The following CNIH3 variants were observed in gnomAD, a reference collection of about 807,000 sequenced individuals.
CNIH3 encodes cornichon family AMPA receptor auxiliary protein 3.
Under a neutral mutation model 24.1 loss-of-function variants are expected in CNIH3, and 14 were observed. The ratio of observed to expected loss-of-function variants is 0.58; its 90% CI spans 0.38 to 0.91. The LOEUF (loss-of-function observed/expected upper bound fraction) is 0.91, where lower values mean the gene tolerates loss of function less well. Ranked by LOEUF, CNIH3 falls within the 40% of genes least tolerant of loss-of-function variation. The pLI is 0.00. For missense variants in CNIH3, 178 were observed against 196.8 expected, an observed-to-expected ratio of 0.90 and a Z score of 0.57; for synonymous variants, 68 against 73.8, an observed-to-expected ratio of 0.92 and a Z score of 0.40.
intron 1 of CNIH3, among the ~76,000 whole-genome samples, chr1:224,439,987 A>G (rs1674825860): frequency 6.6e-6 from 1 of 152,076 alleles, no homozygotes; most frequent in Non-Finnish European, 1.5e-5. Flanking sequence ...GCGGGGTTTC[A>G]CCGTGTTAAC....
intron 3 of CNIH3, among the ~76,000 whole-genome samples, chr1:224,702,688 C>A (rs1275963041): frequency 6.6e-6 from 1 of 152,178 alleles, no homozygotes; most frequent in Non-Finnish European, 1.5e-5. Context: ...AGATGCAGGA[C>A]CCCACCCCCA....
chr1:224,445,658 G>A (rs1675131818), intron 1 of CNIH3, among the ~76,000 whole-genome samples: 1 of 150,842 alleles, frequency 6.6e-6, no homozygotes, highest in Middle Eastern at 3.2e-3. Context: ...CTGGATGTGA[G>A]TCCTTTGTTG....
chr1:224,618,077 G>T (rs565636195), intron 1 of CNIH3, among the ~76,000 whole-genome samples: 34 of 152,350 alleles, frequency 2.2e-4, no homozygotes, highest in South Asian at 1.4e-3. Context: ...TTAGGTGTGG[G>T]TGGGAATAGA....
chr1:224,706,965 T>C (rs1023442939), intron 3 of CNIH3, among the ~76,000 whole-genome samples: 2 of 138,052 alleles, frequency 1.4e-5, no homozygotes, highest in African/African-American at 2.7e-5. Flanking sequence ...TTTCTTTTTT[T>C]TTTTTTTTTT....
intron 3 of CNIH3, among the ~76,000 whole-genome samples, chr1:224,720,831 A>G (rs1688682450): frequency 6.6e-6 from 1 of 152,152 alleles, no homozygotes; most frequent in Non-Finnish European, 1.5e-5. Context: ...TGTATAAGAG[A>G]TAGCCCACGT....
intron 2 of CNIH3, among the ~76,000 whole-genome samples, chr1:224,682,598 C>T (rs1686454503): frequency 6.6e-6 from 1 of 152,216 alleles, no homozygotes; most frequent in Non-Finnish European, 1.5e-5. Context: ...CATCTACCAG[C>T]CTCACCATGC....
chr1:224,490,055 A>G (rs1020375733), intron 1 of CNIH3, among the ~76,000 whole-genome samples: 10 of 152,370 alleles, frequency 6.6e-5, no homozygotes, highest in East Asian at 5.8e-4. Flanking sequence ...GCAAGTTACT[A>G]TCAAAGACTC....
intron 1 of CNIH3, among the ~76,000 whole-genome samples, chr1:224,464,011 G>A (rs920044145): frequency 2.7e-5 from 4 of 147,498 alleles, no homozygotes; most frequent in Non-Finnish European, 4.5e-5. Context: ...GGCTTGTCTC[G>A]AACTCCCGAT....
chr1:224,603,097 G>A (rs781388018), intron 3 of CNIH3, among the ~76,000 whole-genome samples: 14 of 152,116 alleles, frequency 9.2e-5, no homozygotes, highest in Non-Finnish European at 7.4e-5. Context: ...GAGGGAGGGT[G>A]TAATCCCATT....
intron 1 of CNIH3, among the ~76,000 whole-genome samples, chr1:224,634,141 G>A (rs1220524088): frequency 6.6e-6 from 1 of 152,210 alleles, no homozygotes; most frequent in Non-Finnish European, 1.5e-5. Flanking sequence ...ACGTCCCCTG[G>A]CCGTGGAGGC....
chr1:224,728,575 A>G (rs867495610), intron 3 of CNIH3, among the ~76,000 whole-genome samples: 3 of 152,234 alleles, frequency 2.0e-5, no homozygotes, highest in African/African-American at 4.8e-5. Flanking sequence ...AAGGTGCCCC[A>G]TAGTTACAAA....
chr1:224,618,225 G>GCCCCCTATCCTCAC (rs1553275821), intron 1 of CNIH3, among the ~76,000 whole-genome samples: 1 of 152,240 alleles, frequency 6.6e-6, no homozygotes, highest in African/African-American at 2.4e-5. Context: ...GGTTGTTTAA[G>GCCCCCTATCCTCAC]CCCCCTATCC....
At chr1:224,708,091 C>G (rs999125211) in intron 3 of CNIH3, among the ~76,000 whole-genome samples, 1 of 152,122 alleles carries the variant, frequency 6.6e-6, no homozygotes, top group African/African-American at 2.4e-5. Flanking sequence ...TCCTTAAGTT[C>G]CCCAGCAATC....
chr1:224,684,821 G>A lies in CNIH3; in HGVS notation c.176G>A (p.Arg59His), dbSNP rs765507112. ...HARERLRNIE[R>H]ICFLLRKLVL... is the part of the protein sequence containing the mutation. ...AGGGAACGGTTGAGGAACATCGAGC[G>A]CATCTGCTTCCTTCTGCGAAAGGTC... The change falls in exon 3 of 6, where the codon CGC (arginine) becomes CAC (histidine). Residue 59 changes from arginine to histidine, a missense_variant. Arg to His is a conservative substitution (Grantham distance 29, BLOSUM62 0). Coordinates refer to ENST00000272133, the MANE Select transcript of CNIH3 (RefSeq NM_152495.2). This position sits in a 1 kb window ranked among gnomAD's most constrained non-coding sequence, Gnocchi z 4.2. 4.8e-5 allele frequency: 78 copies of A among 1,613,942 alleles called. No individual in the cohort carries two copies. The highest frequency in any genetic ancestry group is 1.7e-4 in the Admixed American group (10 of 60,004).
chr1:224,645,099 T>C lies in CNIH3; in HGVS notation c.81+27844T>C, dbSNP rs139716577. On this transcript the variant is annotated intron_variant, in intron 1 of 5. Coordinates refer to ENST00000272133, the MANE Select transcript of CNIH3 (RefSeq NM_152495.2). Reference sequence around the variant, plus strand: ...CTTCTCTTTGAGTGCTGGGCATCTTTTATTTCAGTTTTACAGATGCAGAAA... The same window carrying C: ...CTTCTCTTTGAGTGCTGGGCATCTTCTATTTCAGTTTTACAGATGCAGAAA... Among the ~76,000 whole-genome samples the C allele has an allele frequency of 3.1e-3, 472 of 152,316 alleles. 5 individuals carry two copies. Among genetic ancestry groups the C allele is most frequent in the African/African-American group, 0.011 (441 of 41,560 alleles).
intron 1 of CNIH3, among the ~76,000 whole-genome samples, chr1:224,436,104 A>G (rs1674652756): frequency 6.6e-6 from 1 of 152,226 alleles, no homozygotes; most frequent in African/African-American, 2.4e-5. Flanking sequence ...GAGGAAGGTC[A>G]ATGCAGGATC....
At position 224,434,749 on chromosome 1, in the gene CNIH3, T is replaced by C. The variant is rs112454893; in HGVS notation, n.90T>C. On this transcript the variant is annotated non_coding_transcript_exon_variant, in exon 1 of 6. Coordinates refer to the CNIH3 transcript ENST00000471578. The stretch of plus-strand genomic sequence containing the variant: ...CTGCCGCCTCTGTCCTCGGATCCGC[T>C]CCGCTCTGCTCCCTGGTGTGTTGAT... The C allele has an allele frequency of 7.6e-4, 755 of 987,112 alleles. 1 individual carries two copies. The highest frequency in any genetic ancestry group is 5.5e-3 in the African/African-American group (312 of 57,234). The allele number at this position is 987,112 out of a possible 1,614,324, so 61.1% of individuals were successfully genotyped here.
At chr1:224,435,702 GTCA>G (rs1266541817) in intron 1 of CNIH3, 3 of 152,206 alleles carry the variant, frequency 2.0e-5, no homozygotes, top group Non-Finnish European at 2.9e-5. Flanking sequence ...AGCCTTCTGT[GTCA>G]TCATGACTTA....
chr1:224,516,632 G>A (rs2124905434), intron 1 of CNIH3, among the ~76,000 whole-genome samples: 1 of 152,376 alleles, frequency 6.6e-6, no homozygotes, highest in Non-Finnish European at 1.5e-5. Context: ...TCCAGGCAGT[G>A]GTGCTGGCCC....
Sources: allele counts gnomAD v4.1 joint callset (sites outside exome capture counted in the v4.1 genomes callset), GRCh38; gene constraint gnomAD v4.1.1; non-coding constraint Gnocchi (gnomAD v3.1); transcripts MANE v1.5; gene names NCBI Gene and HGNC (gene_info 2026-07-23, HGNC 2026-07-21).